ARHGAP5: variants seen among roughly 807,000 people sequenced by gnomAD.
ARHGAP5 encodes the protein Rho GTPase activating protein 5, also known as rho GTPase-activating protein 5.
ARHGAP5 carries 23 observed loss-of-function variants against 116.6 expected under a neutral mutation model. The observed-to-expected ratio is 0.20, with a 90% CI of 0.14 to 0.28. The LOEUF is 0.28. Ranked by LOEUF, ARHGAP5 falls within the 10% of genes least tolerant of loss-of-function variation. The pLI is 1.00. For synonymous variants in ARHGAP5, 574 were observed against 602.0 expected (o/e 0.95, Z 0.68); for missense variants, 1,405 against 1,774.8 (o/e 0.79, Z 3.74).
At chr14:32,099,971 C>G (rs1434040821) in intron 2 of ARHGAP5, among the ~76,000 whole-genome samples, 2 of 152,102 alleles carry the variant, frequency 1.3e-5, no homozygotes, top group Admixed American at 6.5e-5. Flanking sequence ...GTAACAAAAC[C>G]TCTAAGATGT....
intron 3 of ARHGAP5, among the ~76,000 whole-genome samples, chr14:32,132,415 C>T (rs1566678232): frequency 6.6e-6 from 1 of 152,148 alleles, no homozygotes; most frequent in Non-Finnish European, 1.5e-5. Flanking sequence ...GTCCTTTGCC[C>T]ACTTTTTGAT....
intron 1 of ARHGAP5, among the ~76,000 whole-genome samples, chr14:32,088,748 C>T (rs1200412631): frequency 6.6e-6 from 1 of 152,006 alleles, no homozygotes; most frequent in Non-Finnish European, 1.5e-5. Context: ...AGCCTCATCA[C>T]ATTATTTTTC....
chr14:32,102,258 A>G (rs930314762), intron 2 of ARHGAP5, among the ~76,000 whole-genome samples: 7 of 152,244 alleles, frequency 4.6e-5, no homozygotes, highest in Non-Finnish European at 1.0e-4. Context: ...AGAATGAGAA[A>G]GGTTTTTTTC....
At chr14:32,117,467 A>G (rs1488781503) in intron 3 of ARHGAP5, among the ~76,000 whole-genome samples, 180 bp downstream of exon 3, 6 of 152,210 alleles carry the variant, frequency 3.9e-5, no homozygotes, top group African/African-American at 1.2e-4. Context: ...GTTGACCAGT[A>G]ATGCTTTTAT....
intron 3 of ARHGAP5, among the ~76,000 whole-genome samples, chr14:32,136,148 C>G (rs1880781230): frequency 6.6e-6 from 1 of 152,120 alleles, no homozygotes; most frequent in Non-Finnish European, 1.5e-5. Context: ...ATTTATATAA[C>G]ATAAGGTTAA....
chr14:32,148,172 A>G (rs988628445), intron 4 of ARHGAP5, among the ~76,000 whole-genome samples: 2 of 137,834 alleles, frequency 1.5e-5, no homozygotes, highest in Admixed American at 7.1e-5. Flanking sequence ...AAATCTATCT[A>G]TCTATCTATC....
chr14:32,152,561 T>G (rs1272196241), intron 6 of ARHGAP5, 33 bp downstream of exon 6: 1 of 1,152,234 alleles, frequency 8.7e-7, no homozygotes, highest in Non-Finnish European at 1.3e-6. Context: ...TTTTGGCAAA[T>G]AAAATGCACT....
rs1335832122 is a variant in ARHGAP5, at chr14:32,157,106, A to G, written c.*2158A>G. 1 of 152,252 alleles carries G rather than the reference A, an allele frequency of 6.6e-6. No individual in the cohort carries two copies. The highest frequency in any genetic ancestry group is 1.5e-5 in the Non-Finnish European group (1 of 67,764). 9.4% of individuals were successfully genotyped at this position (152,252 alleles called of 1,614,324 possible). On this transcript the variant is annotated 3_prime_UTR_variant, in exon 7 of 7. Coordinates refer to ENST00000345122, the MANE Select transcript of ARHGAP5 (RefSeq NM_001030055.2). ...CAAACTTATCTCCACTTTTCTATGCATTCTATCATTGATTTGACACACTTC... is the reference window on the plus strand; with the variant it reads ...CAAACTTATCTCCACTTTTCTATGCGTTCTATCATTGATTTGACACACTTC...
chr14:32,137,414 T>G (rs1434535991), intron 3 of ARHGAP5, among the ~76,000 whole-genome samples: 2 of 151,874 alleles, frequency 1.3e-5, no homozygotes, highest in Non-Finnish European at 2.9e-5. Flanking sequence ...CTCAGTTCTA[T>G]TCCATTGATC....
intron 3 of ARHGAP5, among the ~76,000 whole-genome samples, chr14:32,126,950 G>A (rs1320142198): frequency 1.3e-5 from 2 of 149,144 alleles, no homozygotes; most frequent in Non-Finnish European, 3.0e-5. Context: ...TAAATTTTAT[G>A]TCATGTGTAT....
At chr14:32,146,173 A>T in intron 3 of ARHGAP5, 90 bp from the exon 4 acceptor site, 2 of 931,564 alleles carry the variant, frequency 2.1e-6, no homozygotes, top group Non-Finnish European at 3.3e-6. Flanking sequence ...GGCCTCCCAG[A>T]GTGCTGGGAT....
In ARHGAP5 at chr14:32,147,838, G is replaced by C. The variant is rs546888752; in HGVS notation, c.3943+1498G>C. ...ACACACCTTGTTGCCAAAGAGTATCGTATAGTCTAGTATCCCATTTTTAAA... is the reference window on the plus strand; with the variant it reads ...ACACACCTTGTTGCCAAAGAGTATCCTATAGTCTAGTATCCCATTTTTAAA... On this transcript the variant is annotated intron_variant, in intron 4 of 6. Transcript: ENST00000345122. 2.6e-5 allele frequency among the ~76,000 whole-genome samples: 4 copies of C among 152,252 alleles called. No homozygotes were observed. The South Asian group carries it at 8.3e-4, about 32-fold the overall frequency.
intron 3 of ARHGAP5, among the ~76,000 whole-genome samples, chr14:32,125,860 G>C (rs1880126502): frequency 1.3e-5 from 2 of 151,864 alleles, no homozygotes; most frequent in Admixed American, 6.6e-5. Context: ...TTTATTCCTA[G>C]GTATTTTATT....
At chr14:32,107,460 G>C (rs10143850) in intron 2 of ARHGAP5, among the ~76,000 whole-genome samples, 5,989 of 152,250 alleles carry the variant, frequency 0.039, 371 homozygotes, top group African/African-American at 0.13. Context: ...TTCCTCTGGT[G>C]CCTGTTTTTA....
At chr14:32,144,578 G>A (rs146794665) in intron 3 of ARHGAP5, among the ~76,000 whole-genome samples, 125 of 152,010 alleles carry the variant, frequency 8.2e-4, no homozygotes, top group African/African-American at 2.6e-3. Flanking sequence ...CTGCCTCCTG[G>A]GTTCAAGTGA....
At chr14:32,118,302 T>G (rs546683110) in intron 3 of ARHGAP5, among the ~76,000 whole-genome samples, 83 of 152,012 alleles carry the variant, frequency 5.5e-4, no homozygotes, top group Non-Finnish European at 1.0e-3. Flanking sequence ...ATCAAGACCA[T>G]CCTGGCCAAC....
chr14:32,138,286 G>A (rs1398096857), intron 3 of ARHGAP5, among the ~76,000 whole-genome samples: 2 of 152,080 alleles, frequency 1.3e-5, no homozygotes, highest in South Asian at 2.1e-4. Context: ...ATTTGTTTGT[G>A]GTTTGTTTTG....
intron 2 of ARHGAP5, among the ~76,000 whole-genome samples, chr14:32,116,879 A>G (rs529422940): frequency 2.6e-5 from 4 of 152,116 alleles, no homozygotes; most frequent in Admixed American, 6.5e-5. Context: ...GATATTTTCT[A>G]TTCTCTCCTG....
chr14:32,100,242 C>G (rs372900690), intron 2 of ARHGAP5, among the ~76,000 whole-genome samples: 3 of 152,188 alleles, frequency 2.0e-5, no homozygotes, highest in South Asian at 2.1e-4. Context: ...GCTGTGTTGC[C>G]CAGGCTGGAG....
Sources: gnomAD v4.1 joint callset for allele counts (sites outside exome capture counted in the v4.1 genomes callset) on GRCh38, gnomAD v4.1.1 for gene constraint, MANE v1.5 for transcripts, NCBI Gene and HGNC (gene_info 2026-07-23, HGNC 2026-07-21) for gene names.